PI15: variants seen among roughly 807,000 people sequenced by gnomAD.
PI15 encodes 25 kDa trypsin inhibitor.
In PI15, 18 loss-of-function variants were observed where a neutral mutation model predicts 31.0. That is an observed-to-expected ratio of 0.58 (90% CI 0.40 to 0.86). The LOEUF (loss-of-function observed/expected upper bound fraction) is 0.86. PI15 is among the 40% of genes least tolerant of loss of function. The pLI, the probability that PI15 is intolerant of heterozygous loss-of-function variation, is 0.00. For missense variants in PI15, 282 were observed against 328.1 expected (o/e 0.86, Z 1.09); for synonymous variants, 118 against 119.1 (o/e 0.99, Z 0.06).
At chr8:74,831,911 G>A (rs906674227) in intron 2 of PI15, among the ~76,000 whole-genome samples, 4 of 152,020 alleles carry the variant, frequency 2.6e-5, no homozygotes, top group Non-Finnish European at 5.9e-5. Flanking sequence ...GTGTAGAGAA[G>A]AAAGAGTGAT....
rs529529830 is a variant in PI15, at chr8:74,825,316, G to T, written c.67G>T (p.Val23Phe). The change falls in exon 2 of 6, where the codon GTC (valine) becomes TTC (phenylalanine). Residue 23 changes from valine (V) to phenylalanine (F), a missense_variant. By Grantham distance (50) the Val-to-Phe change is conservative. Transcript: ENST00000260113. Reference protein sequence around the residue: ...FSLLCEASTVVLLNSTDSSPP... With the variant: ...FSLLCEASTVFLLNSTDSSPP... ...CCTTCTCTGTGAAGCAAGTACCGTC[G>T]TCCTACTCAATTCCACTGACTCATC... 3.1e-6 allele frequency: 5 copies of T among 1,613,110 alleles called. No homozygotes were observed. The East Asian group carries it at 1.1e-4, about 36-fold the overall frequency.
At chr8:74,825,186 T>C in intron 1 of PI15, 24 bp from the exon 2 acceptor site, 1 of 1,464,146 alleles carries the variant, frequency 6.8e-7, no homozygotes, top group Non-Finnish European at 9.5e-7. Context: ...TCATAGACCC[T>C]AACTCTACCT....
intron 2 of PI15, among the ~76,000 whole-genome samples, chr8:74,832,926 T>C (rs974234739): frequency 6.6e-6 from 1 of 152,110 alleles, no homozygotes; most frequent in Non-Finnish European, 1.5e-5. Flanking sequence ...ACAATAATGT[T>C]TTCTAGTAAA....
chr8:74,843,781 T>C (rs1368624782), intron 2 of PI15, among the ~76,000 whole-genome samples, 200 bp from the exon 3 acceptor site: 2 of 152,142 alleles, frequency 1.3e-5, no homozygotes, highest in African/African-American at 4.8e-5. Context: ...GGAGAATTGC[T>C]TGACCCCGGG....
intron 2 of PI15, among the ~76,000 whole-genome samples, chr8:74,831,229 G>A (rs1810777213): frequency 6.6e-6 from 1 of 152,162 alleles, no homozygotes; most frequent in African/African-American, 2.4e-5. Flanking sequence ...TCAGGTGGCA[G>A]GCAGAAAAGC....
chr8:74,830,342 T>C (rs1267578041), intron 2 of PI15, among the ~76,000 whole-genome samples: 1 of 152,100 alleles, frequency 6.6e-6, no homozygotes, highest in African/African-American at 2.4e-5. Flanking sequence ...ATATTGATAA[T>C]ACAGTATCTC....
intron 2 of PI15, among the ~76,000 whole-genome samples, chr8:74,843,237 C>T (rs927347761): frequency 6.6e-6 from 1 of 152,172 alleles, no homozygotes; most frequent in African/African-American, 2.4e-5. Flanking sequence ...GATGAGCTGT[C>T]CCCAAGTTAC....
intron 2 of PI15, among the ~76,000 whole-genome samples, chr8:74,831,126 G>T (rs966926355): frequency 6.6e-6 from 1 of 152,142 alleles, no homozygotes; most frequent in Non-Finnish European, 1.5e-5. Flanking sequence ...GCCAGCCAAA[G>T]GTAAGAACAT....
At position 74,845,110 on chromosome 8, in the gene PI15, T is replaced by C; in HGVS notation, c.393-18T>C. ...TACCACTGCTGCACTCTGATTTCTTTCTTTTCTTTATATGCAGATATCGCT... is the reference window on the plus strand; with the variant it reads ...TACCACTGCTGCACTCTGATTTCTTCCTTTTCTTTATATGCAGATATCGCT... On this transcript the variant is annotated intron_variant, in intron 3 of 5. Transcript: ENST00000260113. 2 of 1,606,926 alleles carry C rather than the reference T, an allele frequency of 1.2e-6. No homozygotes were observed. The highest frequency in any genetic ancestry group is 4.5e-5 in the East Asian group (2 of 44,818).
intron 3 of PI15, chr8:74,844,783 T>C (rs916790962): frequency 7.3e-5 from 17 of 234,010 alleles, no homozygotes; most frequent in African/African-American, 3.6e-4. Context: ...CTTTTATACA[T>C]CTAATTCTGG....
rs989295761 is a variant in PI15, at chr8:74,851,720, G to T, written c.*2467G>T. 1 of 151,932 alleles carries T rather than the reference G, an allele frequency of 6.6e-6. No homozygotes were observed. The highest frequency in any genetic ancestry group is 2.4e-5 in the African/African-American group (1 of 41,406). 9.4% of individuals were successfully genotyped at this position (151,932 alleles called of 1,614,324 possible). A position where few individuals can be genotyped will look rare whatever the true frequency, so the allele number is the denominator to read the frequency against. On this transcript the variant is annotated 3_prime_UTR_variant, in exon 6 of 6. Coordinates refer to ENST00000260113, the MANE Select transcript of PI15 (RefSeq NM_015886.5). ...AAGCCAAAAATGGCAACAATTTACA[G>T]AAATCCCACCTTTCCATGCTTAAGA... is the stretch of plus-strand genomic sequence containing the variant.
chr8:74,841,879 T>G (rs921458994), intron 2 of PI15, among the ~76,000 whole-genome samples: 1 of 152,222 alleles, frequency 6.6e-6, no homozygotes, highest in Non-Finnish European at 1.5e-5. Flanking sequence ...GTGAGTGAGT[T>G]TATTTTGTGC....
At chr8:74,830,157 G>A (rs1446717950) in intron 2 of PI15, among the ~76,000 whole-genome samples, 1 of 152,020 alleles carries the variant, frequency 6.6e-6, no homozygotes, top group Non-Finnish European at 1.5e-5. Flanking sequence ...CCAACATAAA[G>A]TGGCAGGCAG....
intron 5 of PI15, chr8:74,846,067 T>C (rs1228851387): frequency 1.3e-5 from 2 of 153,084 alleles, no homozygotes; most frequent in African/African-American, 2.4e-5. Context: ...AAAATGCCTC[T>C]TGATTACAAT....
chr8:74,854,145 A>C lies in PI15; in HGVS notation c.*4892A>C, dbSNP rs1038801744. On this transcript the variant is annotated 3_prime_UTR_variant, in exon 6 of 6. Transcript: ENST00000260113. ...TTCTAGATTTAAAAATGTATGCAAA[A>C]GCTTAGGATTATATCATGTGTAACT... The C allele has an allele frequency of 6.6e-6, 1 of 152,022 alleles. No homozygotes were observed. Among genetic ancestry groups the C allele is most frequent in the Non-Finnish European group, 1.5e-5 (1 of 67,922 alleles). 9.4% of individuals were successfully genotyped at this position (152,022 alleles called of 1,614,324 possible). A position where few individuals can be genotyped will look rare whatever the true frequency, so the allele number is the denominator to read the frequency against.
intron 2 of PI15, among the ~76,000 whole-genome samples, chr8:74,832,274 A>T (rs1400419532): frequency 1.3e-5 from 2 of 152,132 alleles, no homozygotes; most frequent in Non-Finnish European, 2.9e-5. Context: ...CAAAATAAAG[A>T]GCAGAATTCT....
At chr8:74,827,398 C>T (rs1045779720) in intron 2 of PI15, among the ~76,000 whole-genome samples, 26 of 152,080 alleles carry the variant, frequency 1.7e-4, no homozygotes, top group Admixed American at 1.2e-3. Flanking sequence ...CTCTATTTTC[C>T]CTTATCAAGA....
intron 2 of PI15, among the ~76,000 whole-genome samples, chr8:74,840,227 A>G (rs1248363395): frequency 6.6e-6 from 1 of 152,132 alleles, no homozygotes; most frequent in African/African-American, 2.4e-5. Flanking sequence ...TCTTTTCTTT[A>G]TGCTAGAAAC....
intron 2 of PI15, among the ~76,000 whole-genome samples, chr8:74,837,559 T>C (rs988270568): frequency 1.3e-5 from 2 of 152,216 alleles, no homozygotes; most frequent in Non-Finnish European, 2.9e-5. Flanking sequence ...TTGACTGCCC[T>C]AAAGGAAAAT....
Sources: gnomAD v4.1 joint callset for allele counts (sites outside exome capture counted in the v4.1 genomes callset) on GRCh38, gnomAD v4.1.1 for gene constraint, MANE v1.5 for transcripts, NCBI Gene and HGNC (gene_info 2026-07-23, HGNC 2026-07-21) for gene names.